Variants in KLHL13 observed in about 807,000 individuals in gnomAD.
KLHL13 encodes kelch like family member 13.
In KLHL13, 10 loss-of-function variants were observed where a neutral mutation model predicts 37.1. The ratio of observed to expected loss-of-function variants is 0.27; its 90% CI spans 0.17 to 0.46. The LOEUF is 0.46. Among genes scored for constraint, KLHL13 ranks in the 20% least tolerant of loss-of-function variants. The probability of loss-of-function intolerance (pLI) is 1.00; values close to 1 mark genes in which losing one functional copy is unlikely to be tolerated. For missense variants in KLHL13, 360 were observed against 509.3 expected (o/e 0.71, Z 2.82); for synonymous variants, 163 against 181.2 (o/e 0.90, Z 0.81).
chrX:118,071,694 CAA>C (rs1414141886), intron 1 of KLHL13, among the ~76,000 whole-genome samples: 28 of 108,938 alleles, frequency 2.6e-4, no homozygotes, highest in Non-Finnish European at 3.4e-4. Flanking sequence ...AACAGACAAA[CAA>C]AGAGCCAAAT....
chrX:118,000,809 A>G (rs1394813469), intron 1 of KLHL13, among the ~76,000 whole-genome samples: 1 of 111,573 alleles, frequency 9.0e-6, no homozygotes, highest in East Asian at 2.8e-4. Flanking sequence ...ATTTCACTGC[A>G]GTAACATTAC....
chrX:117,923,994 C>T (rs1304953519), intron 2 of KLHL13, among the ~76,000 whole-genome samples: 2 of 111,678 alleles, frequency 1.8e-5, no homozygotes, highest in African/African-American at 6.5e-5. Flanking sequence ...GGCAAGTTAT[C>T]TGCTTTTGTA....
chrX:118,013,104 C>A (rs748849648), intron 1 of KLHL13, among the ~76,000 whole-genome samples: 4 of 112,072 alleles, frequency 3.6e-5, no homozygotes, highest in Non-Finnish European at 7.5e-5. Context: ...GCGATTAAAG[C>A]AGTAAACAAG....
rs747018822 is a variant in KLHL13 at position 118,036,722 on chromosome X, CA to C, written c.-56+79785del. Among the ~76,000 whole-genome samples the C allele has an allele frequency of 1.8e-4, 20 of 110,925 alleles. No individual in the cohort carries two copies. The East Asian group carries it at 5.3e-3, about 30-fold the overall frequency. ...TCTAAAACACCAAAAGCAATGGCAACAAAAGCCAAAATTGACAAATGGGATC... is the reference window on the plus strand; with the variant it reads ...TCTAAAACACCAAAAGCAATGGCAACAAAGCCAAAATTGACAAATGGGATC... On this transcript the variant is annotated intron_variant, in intron 1 of 6. Transcript: ENST00000371882.
intron 2 of KLHL13, among the ~76,000 whole-genome samples, chrX:117,941,475 T>C (rs775604271): frequency 2.1e-4 from 23 of 111,794 alleles, no homozygotes; most frequent in Admixed American, 1.5e-3. Context: ...CTGGGCCTTT[T>C]TTGGTTGGTA....
chrX:117,963,776 G>A (rs1410103685), intron 1 of KLHL13, among the ~76,000 whole-genome samples: 1 of 102,997 alleles, frequency 9.7e-6, no homozygotes, highest in African/African-American at 3.6e-5. Flanking sequence ...GGTGTGAGAT[G>A]ATATCTCATA....
chrX:118,046,662 T>G (rs1261213737), intron 1 of KLHL13, among the ~76,000 whole-genome samples: 1 of 111,289 alleles, frequency 9.0e-6, no homozygotes, highest in Non-Finnish European at 1.9e-5. Flanking sequence ...ATCCCATAAA[T>G]ATATACACCT....
intron 1 of KLHL13, among the ~76,000 whole-genome samples, chrX:117,951,086 T>C (rs1380229810): frequency 2.7e-5 from 3 of 112,037 alleles, no homozygotes; most frequent in Non-Finnish European, 5.6e-5. Flanking sequence ...ACTCCTCTCT[T>C]TCTCCACACT....
intron 1 of KLHL13, among the ~76,000 whole-genome samples, chrX:117,954,020 TCTAATG>T (rs1933778309): frequency 9.0e-6 from 1 of 111,662 alleles, no homozygotes; most frequent in Admixed American, 9.6e-5. Context: ...CATTCTGAAC[TCTAATG>T]CCAACCATCA....
intron 2 of KLHL13, among the ~76,000 whole-genome samples, chrX:117,929,173 T>C (rs1202816241): frequency 8.9e-6 from 1 of 112,344 alleles, no homozygotes; most frequent in Non-Finnish European, 1.9e-5. Flanking sequence ...ACTATAAAAT[T>C]AAATTTTAAT....
At chrX:117,942,551 C>G (rs184624462) in intron 2 of KLHL13, among the ~76,000 whole-genome samples, 197 of 111,782 alleles carry the variant, frequency 1.8e-3, no homozygotes, top group African/African-American at 4.5e-3. Context: ...GTTACCTCTT[C>G]TTGTTGCATT....
intron 1 of KLHL13, among the ~76,000 whole-genome samples, chrX:118,063,475 TG>T: frequency 9.0e-6 from 1 of 111,600 alleles, no homozygotes; most frequent in Non-Finnish European, 1.9e-5. Context: ...TCCCCTACAC[TG>T]GGCCAATATC....
chrX:118,036,760 A>G (rs1333096311), intron 1 of KLHL13, among the ~76,000 whole-genome samples: 3 of 111,207 alleles, frequency 2.7e-5, no homozygotes, highest in Non-Finnish European at 5.6e-5. Context: ...AATTCAACTA[A>G]AGAACTTCTG....
chrX:117,979,211 C>A (rs113259178), intron 1 of KLHL13, among the ~76,000 whole-genome samples: 2,999 of 112,069 alleles, frequency 0.027, 96 homozygotes, highest in African/African-American at 0.092. Flanking sequence ...GGATTACAGG[C>A]GTGAGCCACT....
At chrX:117,958,629 T>C (rs994188507) in intron 1 of KLHL13, among the ~76,000 whole-genome samples, 3 of 109,240 alleles carry the variant, frequency 2.7e-5, no homozygotes, top group South Asian at 4.0e-4. Context: ...CACTAGATGA[T>C]AGGAAAACAA....
intron 1 of KLHL13, among the ~76,000 whole-genome samples, chrX:117,999,158 A>G (rs1359819052): frequency 9.0e-6 from 1 of 111,317 alleles, no homozygotes; most frequent in Non-Finnish European, 1.9e-5. Flanking sequence ...ATCTAGAACT[A>G]GAAATACCAT....
At chrX:118,050,961 T>G (rs2054606831) in intron 1 of KLHL13, among the ~76,000 whole-genome samples, 1 of 111,729 alleles carries the variant, frequency 9.0e-6, no homozygotes, top group Non-Finnish European at 1.9e-5. Context: ...AACAAGTTCC[T>G]GAGGAATGTT....
intron 1 of KLHL13, among the ~76,000 whole-genome samples, chrX:118,062,342 TTA>T (rs1248297156): frequency 9.0e-6 from 1 of 110,867 alleles, no homozygotes; most frequent in Non-Finnish European, 1.9e-5. Flanking sequence ...CTTTCTCTTA[TTA>T]TATACAAACA....
chrX:118,104,837 C>T (rs2055328421), intron 1 of KLHL13, among the ~76,000 whole-genome samples: 1 of 112,263 alleles, frequency 8.9e-6, no homozygotes, highest in Admixed American at 9.4e-5. Context: ...TTGCTCAGCT[C>T]TGTGAGTATA....
Sources: gnomAD v4.1 joint callset for allele counts (sites outside exome capture counted in the v4.1 genomes callset) on GRCh38, gnomAD v4.1.1 for gene constraint, MANE v1.5 for transcripts, NCBI Gene and HGNC (gene_info 2026-07-23, HGNC 2026-07-21) for gene names.